FAM107A: variants seen among roughly 807,000 people sequenced by gnomAD.
FAM107A encodes actin-associated protein FAM107A.
Under a neutral mutation model 13.7 loss-of-function variants are expected in FAM107A, and 19 were observed. The observed-to-expected ratio is 1.38, with a 90% CI of 0.97 to 2.03. FAM107A has a LOEUF of 2.03. Among genes scored for constraint, FAM107A ranks in the 30% most tolerant of loss-of-function variants. The pLI is 0.00. For missense variants in FAM107A, 203 were observed against 184.4 expected (o/e 1.10, Z -0.58); for synonymous variants, 82 against 74.5 (o/e 1.10, Z -0.52).
At chr3:58,579,341 C>G (rs898849801), upstream of FAM107A, among the ~76,000 whole-genome samples, 2 of 152,066 alleles carry the variant, frequency 1.3e-5, no homozygotes, top group Admixed American at 1.3e-4. Flanking sequence ...GCCACGCTGA[C>G]CATTCTCGAG....
Position 58,604,860 on chromosome 3 carries a change from T to C in FAM107A, c.-69-15591A>G, listed in dbSNP as rs759649575. Among the ~76,000 whole-genome samples, 2 of 152,216 alleles carry C rather than the reference T, an allele frequency of 1.3e-5. No homozygotes were observed. The highest frequency in any genetic ancestry group is 2.9e-5 in the Non-Finnish European group (2 of 68,040). ...TGTCTCTTTGCATGTCTAAACAATT[T>C]TGATTGTATACTGGAGGTTGTGTGT... is the stretch of plus-strand genomic sequence containing the variant. On this transcript the variant is annotated intron_variant, in intron 1 of 3. Coordinates refer to the FAM107A transcript ENST00000465970. This position sits in a 1 kb window ranked among gnomAD's most constrained non-coding sequence, Gnocchi z 4.1.
intron 1 of FAM107A, among the ~76,000 whole-genome samples, chr3:58,618,818 A>C (rs1184592302): frequency 7.3e-6 from 1 of 137,658 alleles, no homozygotes; most frequent in Admixed American, 7.2e-5. Context: ...AGTCAGGGGG[A>C]CAGGTTTGGG....
chr3:58,583,385 G>A (rs1461286727), intron 1 of FAM107A, among the ~76,000 whole-genome samples: 1 of 152,184 alleles, frequency 6.6e-6, no homozygotes, highest in Non-Finnish European at 1.5e-5. Context: ...CACTTTGGGA[G>A]GCCAAGGCGG....
chr3:58,576,284 G>A (rs1419838870), intron 1 of FAM107A, among the ~76,000 whole-genome samples: 1 of 152,208 alleles, frequency 6.6e-6, no homozygotes, highest in African/African-American at 2.4e-5. Flanking sequence ...TTCCTACCTC[G>A]GAAGGAGAAT....
upstream of FAM107A, among the ~76,000 whole-genome samples, chr3:58,591,952 T>G (rs2065657581): frequency 6.6e-6 from 1 of 152,108 alleles, no homozygotes; most frequent in Non-Finnish European, 1.5e-5. This position sits in a 1 kb window ranked among gnomAD's most constrained non-coding sequence, Gnocchi z 4.3. Flanking sequence ...AAGTGGGTAA[T>G]TCCCCAGAGA....
intron 1 of FAM107A, among the ~76,000 whole-genome samples, chr3:58,599,715 T>TTTTTTTTTTG (rs2065737525): frequency 8.5e-6 from 1 of 118,222 alleles, no homozygotes; most frequent in Non-Finnish European, 1.8e-5. Context: ...TTTTTTTTTT[T>TTTTTTTTTTG]TTTTTTTTTT....
intron 1 of FAM107A, among the ~76,000 whole-genome samples, chr3:58,599,695 C>CCTTTTTTTT (rs1559483413): frequency 2.2e-5 from 1 of 45,744 alleles, no homozygotes; most frequent in African/African-American, 6.6e-5. Flanking sequence ...ACAAGTGCAC[C>CCTTTTTTTT]ATTTTTTTTT....
chr3:58,621,314 G>A (rs1440964876), intron 1 of FAM107A, among the ~76,000 whole-genome samples: 1 of 152,116 alleles, frequency 6.6e-6, no homozygotes. Context: ...TAAGGACTGG[G>A]GCCAGCTTTC....
At chr3:58,576,281 C>T (rs997830928) in intron 1 of FAM107A, among the ~76,000 whole-genome samples, 2 of 152,242 alleles carry the variant, frequency 1.3e-5, no homozygotes, top group African/African-American at 4.8e-5. Context: ...AACTTCCTAC[C>T]TCGGAAGGAG....
At chr3:58,602,361 T>C (rs1389608978) in intron 1 of FAM107A, among the ~76,000 whole-genome samples, 1 of 152,198 alleles carries the variant, frequency 6.6e-6, no homozygotes, top group East Asian at 1.9e-4. Context: ...GGTGTGCTCC[T>C]GGAGGGAGTG....
At chr3:58,576,433 G>T (rs1413993576) in intron 1 of FAM107A, among the ~76,000 whole-genome samples, 1 of 152,216 alleles carries the variant, frequency 6.6e-6, no homozygotes, top group Non-Finnish European at 1.5e-5. Flanking sequence ...ATCCCTGCTG[G>T]CTCATTAGTG....
intron 1 of FAM107A, chr3:58,626,962 G>C: frequency 6.5e-7 from 1 of 1,535,930 alleles, no homozygotes; most frequent in Admixed American, 2.0e-5. Flanking sequence ...GACACTTAGA[G>C]GTTCCTACCT....
chr3:58,616,231 T>C (rs1433009929), intron 1 of FAM107A, among the ~76,000 whole-genome samples: 3 of 152,066 alleles, frequency 2.0e-5, no homozygotes, highest in Non-Finnish European at 2.9e-5. Flanking sequence ...AGGAGCTACA[T>C]TGGACTTGAG....
At chr3:58,575,889 C>T (rs975785016) in intron 1 of FAM107A, among the ~76,000 whole-genome samples, 1 of 152,202 alleles carries the variant, frequency 6.6e-6, no homozygotes, top group East Asian at 1.9e-4. Context: ...CCTCCTGTGC[C>T]CCCACTTCCT....
intron 1 of FAM107A, among the ~76,000 whole-genome samples, chr3:58,607,445 G>A (rs2065805477): frequency 6.6e-6 from 1 of 152,142 alleles, no homozygotes; most frequent in Non-Finnish European, 1.5e-5. Context: ...CCCCTGTGCT[G>A]ACCCTTTGGT....
intron 1 of FAM107A, among the ~76,000 whole-genome samples, chr3:58,584,407 G>A (rs2065581419): frequency 6.6e-6 from 1 of 152,290 alleles, no homozygotes; most frequent in African/African-American, 2.4e-5. Context: ...TGATCGTTGA[G>A]TGCTGACAAT....
intron 1 of FAM107A, 137 bp from the exon 2 acceptor site, chr3:58,570,002 C>T (rs2063665713): frequency 2.6e-6 from 2 of 778,932 alleles, no homozygotes; most frequent in South Asian, 2.1e-5. Flanking sequence ...GGGCAAGCTA[C>T]CTGACTTTCT....
intron 1 of FAM107A, among the ~76,000 whole-genome samples, chr3:58,605,508 T>C (rs1375610434): frequency 3.9e-5 from 6 of 152,214 alleles, no homozygotes; most frequent in Non-Finnish European, 8.8e-5. Context: ...CATCGTCCTG[T>C]GCCATAGTTG....
chr3:58,626,893 G>T, intron 1 of FAM107A: 2 of 1,396,746 alleles, frequency 1.4e-6, no homozygotes, highest in Non-Finnish European at 2.0e-6. Context: ...CAGGGTAGGT[G>T]GGTCGGGGCT....
Sources: allele counts gnomAD v4.1 joint callset (sites outside exome capture counted in the v4.1 genomes callset), GRCh38; gene constraint gnomAD v4.1.1; non-coding constraint Gnocchi (gnomAD v3.1); transcripts MANE v1.5; gene names NCBI Gene and HGNC (gene_info 2026-07-23, HGNC 2026-07-21).